The following GRK4 variants were observed in gnomAD, a reference collection of about 807,000 sequenced individuals.
GRK4 encodes G protein-coupled receptor kinase 2-like.
In GRK4, 73 loss-of-function variants were observed where a neutral mutation model predicts 77.9. The ratio of observed to expected loss-of-function variants is 0.94; its 90% CI spans 0.78 to 1.14. GRK4 has a LOEUF of 1.14. GRK4 is among the 50% of genes most tolerant of loss of function. The pLI, the probability that GRK4 is intolerant of heterozygous loss-of-function variation, is 0.00. For missense variants in GRK4, 729 were observed against 700.2 expected (o/e 1.04, Z -0.46); for synonymous variants, 257 against 254.4 (o/e 1.01, Z -0.10).
At chr4:3,038,810 C>T (rs969254527) in intron 15 of GRK4, 6 of 307,794 alleles carry the variant, frequency 1.9e-5, no homozygotes, top group Non-Finnish European at 2.4e-5. Context: ...GCTCAGAAAT[C>T]GGCATCCTGT....
intron 7 of GRK4, among the ~76,000 whole-genome samples, chr4:3,010,271 G>T (rs1732519554): frequency 6.6e-6 from 1 of 152,070 alleles, no homozygotes; most frequent in South Asian, 2.1e-4. Flanking sequence ...TTGTTGCCTA[G>T]ACTGGAGTGC....
intron 10 of GRK4, among the ~76,000 whole-genome samples, chr4:3,022,869 T>C (rs1307432255): frequency 6.6e-6 from 1 of 152,090 alleles, no homozygotes; most frequent in Admixed American, 6.6e-5. Context: ...AAATTTTTTT[T>C]GTAGAGATAG....
intron 10 of GRK4, among the ~76,000 whole-genome samples, chr4:3,026,056 C>T (rs34540265): frequency 0.039 from 5,890 of 152,312 alleles, 144 homozygotes; most frequent in East Asian, 0.086. Flanking sequence ...TCATCTCCAC[C>T]GGTGCTGTTT....
At position 3,037,423 on chromosome 4, in the gene GRK4, T is replaced by A; in HGVS notation, c.1457T>A (p.Val486Glu). 1.2e-6 allele frequency: 2 copies of A among 1,610,134 alleles called. No individual in the cohort carries two copies. Among genetic ancestry groups the A allele is most frequent in the Non-Finnish European group, 1.7e-6 (2 of 1,177,108 alleles). ...GTCCTGGATATCGAGCAGTTCTCGG[T>A]GGTGAAAGGGATCTACCTGGACACC... ...KDVLDIEQFS[V>E]VKGIYLDTAD... The change falls in exon 14 of 16, where the codon GTG (valine) becomes GAG (glutamate). Residue 486 changes from valine to glutamate, a missense_variant. By Grantham distance (121) the Val-to-Glu change is moderately radical (BLOSUM62 -2). Coordinates refer to ENST00000398052, the MANE Select transcript of GRK4 (RefSeq NM_182982.3).
intron 1 of GRK4, chr4:2,965,566 C>T (rs146111856): frequency 4.0e-5 from 26 of 657,692 alleles, no homozygotes; most frequent in African/African-American, 5.3e-5. Context: ...AGTCTGGAGC[C>T]GAAGGTGGCG....
chr4:2,990,909 C>T (rs1262500557), intron 3 of GRK4, among the ~76,000 whole-genome samples: 7 of 152,158 alleles, frequency 4.6e-5, no homozygotes, highest in East Asian at 3.8e-4. Context: ...TGACTATCCT[C>T]GTGATAGGTG....
At position 3,039,698 on chromosome 4, in the gene GRK4, T is replaced by TAAA. The variant is rs10672202; in HGVS notation, c.1684-857_1684-855dup. On this transcript the variant is annotated intron_variant, in intron 15 of 15. Transcript: ENST00000398052. Reference sequence around the variant, plus strand: ...GGGTGACAAGAGTGAAACTCTGTCTTAAAAAAAAAAAAAAAAAAAGGAAAA... The same window carrying TAAA: ...GGGTGACAAGAGTGAAACTCTGTCTTAAAAAAAAAAAAAAAAAAAAAAGGAAAA... Among the ~76,000 whole-genome samples, 347 of 115,154 alleles carry TAAA rather than the reference T, an allele frequency of 3.0e-3. 7 individuals carry two copies. The South Asian group carries it at 0.047, about 15-fold the overall frequency. The allele number at this position is 115,154 out of a possible 152,430, so 75.5% of individuals were successfully genotyped here. A position where few individuals can be genotyped will look rare whatever the true frequency, so the allele number is the denominator to read the frequency against.
intron 10 of GRK4, among the ~76,000 whole-genome samples, chr4:3,026,619 C>T (rs1391850154): frequency 6.6e-6 from 1 of 152,160 alleles, no homozygotes; most frequent in Non-Finnish European, 1.5e-5. Flanking sequence ...TGCATCTGTA[C>T]AAGGGGAGGA....
At chr4:2,993,940 A>C (rs77808505) in intron 4 of GRK4, among the ~76,000 whole-genome samples, 7 of 152,186 alleles carry the variant, frequency 4.6e-5, no homozygotes, top group Non-Finnish European at 1.0e-4. Flanking sequence ...AGCCAACTGG[A>C]TATAGGGCCA....
intron 1 of GRK4, among the ~76,000 whole-genome samples, chr4:2,971,733 C>T (rs1055792589): frequency 6.6e-6 from 1 of 152,158 alleles, no homozygotes; most frequent in Non-Finnish European, 1.5e-5. Context: ...GGAGCTGGTT[C>T]CTTCTGTGGG....
chr4:3,027,736 A>G (rs904442763), intron 10 of GRK4, among the ~76,000 whole-genome samples, 176 bp from the exon 11 acceptor site: 2 of 152,216 alleles, frequency 1.3e-5, no homozygotes, highest in Non-Finnish European at 2.9e-5. Flanking sequence ...AATGCATTGT[A>G]TGGAATTTTA....
chr4:2,964,244 C>A, intron 1 of GRK4, 122 bp downstream of exon 1: 3 of 868,834 alleles, frequency 3.5e-6, no homozygotes, highest in Non-Finnish European at 5.4e-6. Flanking sequence ...AGAGCCCCGA[C>A]ACCTCCCACT....
chr4:2,968,071 G>A (rs932588989), intron 1 of GRK4, among the ~76,000 whole-genome samples: 1 of 151,524 alleles, frequency 6.6e-6, no homozygotes, highest in African/African-American at 2.4e-5. Flanking sequence ...GATTACAGGC[G>A]TGAGCCACTG....
chr4:3,023,498 C>G (rs1736633884), intron 10 of GRK4, among the ~76,000 whole-genome samples: 1 of 152,172 alleles, frequency 6.6e-6, no homozygotes, highest in Non-Finnish European at 1.5e-5. Context: ...ATGCTAGTCT[C>G]CTTTTATGCC....
At chr4:3,035,551 C>G (rs764703489) in intron 13 of GRK4, 28 bp downstream of exon 13, 1 of 1,597,516 alleles carries the variant, frequency 6.3e-7, no homozygotes, top group Non-Finnish European at 8.5e-7. Flanking sequence ...ACGAGCAGGG[C>G]CCTAGGAACA....
rs866849574 is a variant in GRK4, at chr4:2,980,316, G to A, written c.53-4197G>A. 2.6e-5 allele frequency among the ~76,000 whole-genome samples: 4 copies of A among 152,250 alleles called. No individual in the cohort carries two copies. The South Asian group carries it at 8.3e-4, about 32-fold the overall frequency. ...GAGTGGCAGCAGCCAGGATGAAGAG[G>A]AAAGCCTAGCACCTTGACTTGTTTC... is the stretch of plus-strand genomic sequence containing the variant. On this transcript the variant is annotated intron_variant, in intron 1 of 15. Coordinates refer to ENST00000398052, the MANE Select transcript of GRK4 (RefSeq NM_182982.3).
chr4:2,996,270 T>C (rs1273520846), intron 4 of GRK4, among the ~76,000 whole-genome samples: 1 of 152,066 alleles, frequency 6.6e-6, no homozygotes, highest in Non-Finnish European at 1.5e-5. Context: ...TAAATGCCTC[T>C]TAGGCCGGGC....
chr4:3,037,569 G>T, intron 14 of GRK4, 58 bp downstream of exon 14: 2 of 1,557,250 alleles, frequency 1.3e-6, no homozygotes, highest in Non-Finnish European at 1.8e-6. Flanking sequence ...CCAGGGAAAA[G>T]GGTGTGTGTG....
intron 4 of GRK4, among the ~76,000 whole-genome samples, chr4:3,002,883 C>A (rs1397635555): frequency 1.3e-5 from 2 of 152,140 alleles, no homozygotes; most frequent in African/African-American, 2.4e-5. Context: ...AAGAAACTAT[C>A]TGAAGAGGTG....
Sources: allele counts gnomAD v4.1 joint callset (sites outside exome capture counted in the v4.1 genomes callset), GRCh38; gene constraint gnomAD v4.1.1; transcripts MANE v1.5; gene names NCBI Gene and HGNC (gene_info 2026-07-23, HGNC 2026-07-21).